The following ZNF564 variants were observed in gnomAD, a reference collection of about 807,000 sequenced individuals.
ZNF564 encodes zinc finger protein 564.
In ZNF564, 5 loss-of-function variants were observed where a neutral mutation model predicts 10.5. That is an observed-to-expected ratio of 0.48 (90% CI 0.25 to 1.00). The LOEUF is 1.00. Ranked by LOEUF, ZNF564 falls within the 50% of genes least tolerant of loss-of-function variation. The pLI, the probability that ZNF564 is intolerant of heterozygous loss-of-function variation, is 0.16. For synonymous variants in ZNF564, 242 were observed against 218.1 expected (o/e 1.11, Z -0.97); for missense variants, 603 against 669.7 (o/e 0.90, Z 1.10).
intron 1 of ZNF564, among the ~76,000 whole-genome samples, chr19:12,532,178 T>C (rs1403138704): frequency 1.3e-5 from 2 of 151,662 alleles, no homozygotes; most frequent in African/African-American, 4.8e-5. Flanking sequence ...TTATTGTGAA[T>C]AGACCCTGCA....
chr19:12,535,879 G>A (rs1329784222), intron 1 of ZNF564, among the ~76,000 whole-genome samples: 2 of 151,912 alleles, frequency 1.3e-5, no homozygotes, highest in Non-Finnish European at 2.9e-5. Flanking sequence ...TGGGCGGAGT[G>A]GTGCGTGCCT....
At chr19:12,545,262 CAAAAAAAA>C (rs534783270) in intron 1 of ZNF564, among the ~76,000 whole-genome samples, 1 of 57,412 alleles carries the variant, frequency 1.7e-5, no homozygotes, top group Non-Finnish European at 3.9e-5. Context: ...AATTCCGTCT[CAAAAAAAA>C]AAAAAAAAAA....
At chr19:12,548,377 C>T (rs1032059343) in intron 1 of ZNF564, among the ~76,000 whole-genome samples, 10 of 151,930 alleles carry the variant, frequency 6.6e-5, no homozygotes, top group African/African-American at 1.7e-4. Flanking sequence ...CCGCCACACC[C>T]GGCTAATTTT....
At chr19:12,542,963 T>C (rs2022085477) in intron 1 of ZNF564, among the ~76,000 whole-genome samples, 1 of 149,444 alleles carries the variant, frequency 6.7e-6, no homozygotes, top group African/African-American at 2.5e-5. Flanking sequence ...GATCATGCCG[T>C]TGCACTCTGG....
intron 1 of ZNF564, among the ~76,000 whole-genome samples, chr19:12,535,868 CTGGGCGGAGTGG>C (rs905348463): frequency 1.3e-5 from 2 of 151,962 alleles, no homozygotes; most frequent in Non-Finnish European, 2.9e-5. Context: ...CAAAAATTAG[CTGGGCGGAGTGG>C]TGCGTGCCTG....
chr19:12,550,061 G>A (rs2022222953), intron 1 of ZNF564, among the ~76,000 whole-genome samples: 1 of 152,160 alleles, frequency 6.6e-6, no homozygotes, highest in African/African-American at 2.4e-5. Flanking sequence ...GGGAGGCCGA[G>A]GCAGGCGGAT....
rs563648199 is a variant in ZNF564 at position 12,547,362 on chromosome 19, C to T, written c.3+3968G>A. ...AAGCCGCCACTTCCACCAGAAAAGCCTTTTTCTGCCTAACCTCTGGGATGC... is the reference window on the plus strand; with the variant it reads ...AAGCCGCCACTTCCACCAGAAAAGCTTTTTTCTGCCTAACCTCTGGGATGC... On this transcript the variant is annotated intron_variant, in intron 1 of 3. Coordinates refer to ENST00000339282, the MANE Select transcript of ZNF564 (RefSeq NM_144976.4). 3.3e-5 allele frequency among the ~76,000 whole-genome samples: 5 copies of T among 152,184 alleles called. No homozygotes were observed. The South Asian group carries it at 1.0e-3, about 32-fold the overall frequency.
At chr19:12,537,682 G>A (rs1188454373) in intron 1 of ZNF564, among the ~76,000 whole-genome samples, 3 of 147,506 alleles carry the variant, frequency 2.0e-5, no homozygotes, top group African/African-American at 5.0e-5. Flanking sequence ...AGGTTGCGGT[G>A]AGCCGAGATT....
rs539637599 is a variant in ZNF564, at chr19:12,548,559, C to T, written c.3+2771G>A. Among the ~76,000 whole-genome samples the T allele has an allele frequency of 2.6e-5, 4 of 152,238 alleles. No homozygotes were observed. The South Asian group carries it at 6.2e-4, about 24-fold the overall frequency. On this transcript the variant is annotated intron_variant, in intron 1 of 3. Transcript: ENST00000339282. The stretch of plus-strand genomic sequence containing the variant: ...TAGAGACGGGGTTTCACCATGTTAG[C>T]CAGGATGGTCGCGATCTCCTGACCT...
At chr19:12,550,900 C>T (rs1568268873) in intron 1 of ZNF564, among the ~76,000 whole-genome samples, 1 of 152,136 alleles carries the variant, frequency 6.6e-6, no homozygotes, top group Non-Finnish European at 1.5e-5. Context: ...ATTCTTTTTC[C>T]AGTACGTTTG....
At chr19:12,543,303 GAA>G (rs562777488) in intron 1 of ZNF564, among the ~76,000 whole-genome samples, 4 of 39,752 alleles carry the variant, frequency 1.0e-4, no homozygotes, top group Non-Finnish European at 1.8e-4. Flanking sequence ...CTTCGTCTCA[GAA>G]AAAAAAAAAA....
At chr19:12,529,461 C>T (rs2021757075) in intron 1 of ZNF564, among the ~76,000 whole-genome samples, 1 of 151,894 alleles carries the variant, frequency 6.6e-6, no homozygotes, top group South Asian at 2.1e-4. Flanking sequence ...AAAAAATTAG[C>T]CGGGCATGGT....
chr19:12,538,613 A>G (rs1453336422), intron 1 of ZNF564, among the ~76,000 whole-genome samples: 1 of 152,084 alleles, frequency 6.6e-6, no homozygotes, highest in Non-Finnish European at 1.5e-5. Flanking sequence ...CAACACAGCA[A>G]GACTCTGTCT....
rs1259978874 is a variant in ZNF564, at chr19:12,540,620, C to T, written c.3+10710G>A. ...CTGTAATCCCAGCACTTTGGGAGGC[C>T]AAGGCGGGCAGATCACAAAGTCAGG... On this transcript the variant is annotated intron_variant, in intron 1 of 3. Transcript: ENST00000339282. Among the ~76,000 whole-genome samples the T allele has an allele frequency of 3.3e-5, 5 of 152,010 alleles. No individual in the cohort carries two copies. The South Asian group carries it at 8.3e-4, about 25-fold the overall frequency.
intron 1 of ZNF564, among the ~76,000 whole-genome samples, chr19:12,532,484 G>C (rs1428014361): frequency 7.8e-6 from 1 of 128,490 alleles, no homozygotes; most frequent in African/African-American, 3.1e-5. Context: ...GCAGTGAGCC[G>C]AGATCGCGCC....
At position 12,528,327 on chromosome 19, in the gene ZNF564, G is replaced by A; in HGVS notation, c.168C>T (p.Tyr56=). 1 of 1,610,124 alleles carries A rather than the reference G, an allele frequency of 6.2e-7. No individual in the cohort carries two copies. The highest frequency in any genetic ancestry group is 8.5e-7 in the Non-Finnish European group (1 of 1,179,154). ...ACCTTAAAATTCTCCCCTGATTTTT[G>A]TACCAATCTTCAATGCTCTGGTCTT... ...KWEDQSIEDW[Y]KNQGRILRNH... is the part of the protein sequence containing the mutation. Residue 56 remains tyrosine, a synonymous_variant, in exon 3 of 4, where the codon TAC becomes TAT. Coordinates refer to ENST00000339282, the MANE Select transcript of ZNF564 (RefSeq NM_144976.4).
chr19:12,544,986 T>C (rs531812655), intron 1 of ZNF564, among the ~76,000 whole-genome samples: 13 of 152,150 alleles, frequency 8.5e-5, no homozygotes, highest in Admixed American at 2.6e-4. Flanking sequence ...GAGCCGGGTG[T>C]GGTGGCTCAT....
intron 1 of ZNF564, 32 bp downstream of exon 1, chr19:12,551,298 C>T: frequency 6.2e-7 from 1 of 1,602,526 alleles, no homozygotes; most frequent in Non-Finnish European, 8.5e-7. Flanking sequence ...GCCCCTCCCC[C>T]AGTCTCCAGG....
At chr19:12,530,677 C>T (rs2021782719) in intron 1 of ZNF564, among the ~76,000 whole-genome samples, 1 of 152,138 alleles carries the variant, frequency 6.6e-6, no homozygotes, top group Non-Finnish European at 1.5e-5. Context: ...TCCTCTTTCT[C>T]AAATTTCAAG....
Sources: allele counts gnomAD v4.1 joint callset (sites outside exome capture counted in the v4.1 genomes callset), GRCh38; gene constraint gnomAD v4.1.1; transcripts MANE v1.5; gene names NCBI Gene and HGNC (gene_info 2026-07-23, HGNC 2026-07-21).